GDPD4: variants seen among roughly 807,000 people sequenced by gnomAD.
The protein encoded by GDPD4 is glycerophosphodiester phosphodiesterase 6.
GDPD4 carries 60 observed loss-of-function variants against 67.8 expected under a neutral mutation model. That is an observed-to-expected ratio of 0.88 (90% CI 0.72 to 1.10). GDPD4 has a LOEUF of 1.10. Ranked by LOEUF, GDPD4 falls within the 50% of genes least tolerant of loss-of-function variation. GDPD4 has a pLI of 0.00. For synonymous variants in GDPD4, 212 were observed against 210.9 expected (o/e 1.00, Z -0.04); for missense variants, 623 against 613.9 (o/e 1.01, Z -0.16).
Position 77,287,923 on chromosome 11 carries a change from A to G in GDPD4, c.-253-503T>C, listed in dbSNP as rs141901433. On this transcript the variant is annotated intron_variant, in intron 1 of 16. Coordinates refer to ENST00000315938, the MANE Select transcript of GDPD4 (RefSeq NM_182833.3). ...CAATTATGAATGATGGAATCTTCAAAACAACAATGGCTGAAATGTGACAAG... is the reference window on the plus strand; with the variant it reads ...CAATTATGAATGATGGAATCTTCAAGACAACAATGGCTGAAATGTGACAAG... 6.0e-3 allele frequency among the ~76,000 whole-genome samples: 920 copies of G among 152,350 alleles called. 8 individuals carry two copies. The highest frequency in any genetic ancestry group is 0.021 in the African/African-American group (889 of 41,582).
intron 10 of GDPD4, among the ~76,000 whole-genome samples, chr11:77,267,650 T>C (rs1959184487): frequency 6.6e-6 from 1 of 152,200 alleles, no homozygotes; most frequent in South Asian, 2.1e-4. Context: ...GATTGTTTGG[T>C]TTGTATTTGT....
intron 1 of GDPD4, among the ~76,000 whole-genome samples, chr11:77,300,326 T>C (rs2135902822): frequency 6.6e-6 from 1 of 152,184 alleles, no homozygotes; most frequent in East Asian, 1.9e-4. Flanking sequence ...TCCCCTCCCT[T>C]GTCCAAGTGT....
At chr11:77,220,689 G>C (rs1053717073) in intron 16 of GDPD4, among the ~76,000 whole-genome samples, 3 of 152,148 alleles carry the variant, frequency 2.0e-5, no homozygotes, top group Non-Finnish European at 2.9e-5. Flanking sequence ...GTCTCTGCCA[G>C]GCTTTGGTAT....
chr11:77,243,619 A>T, intron 13 of GDPD4, 75 bp downstream of exon 13: 1 of 1,251,768 alleles, frequency 8.0e-7, no homozygotes, highest in Non-Finnish European at 1.2e-6. Context: ...AGGGGAAGTT[A>T]AGAAGTTTAA....
chr11:77,258,425 T>A lies in GDPD4; in HGVS notation c.825A>T (p.Leu275=). The A allele has an allele frequency of 6.2e-7, 1 of 1,614,108 alleles. No homozygotes were observed. Among genetic ancestry groups the A allele is most frequent in the South Asian group, 1.1e-5 (1 of 91,082 alleles). ...ACCATTTGCCTGCATTCAGAGTCGA[T>A]AGGAAATCCCAGTTGAAGAAGGCAG... is the stretch of plus-strand genomic sequence containing the variant. ...ENPAFFNWDF[L]STLNAGKWFV... The change falls in exon 11 of 17, where the codon CTA becomes CTT. Residue 275 remains leucine, a synonymous_variant. Coordinates refer to ENST00000315938, the MANE Select transcript of GDPD4 (RefSeq NM_182833.3).
In GDPD4 at chr11:77,233,177, A is replaced by T; in HGVS notation, c.1242-5T>A. 1 of 1,612,448 alleles carries T rather than the reference A, an allele frequency of 6.2e-7. No homozygotes were observed. Among genetic ancestry groups the T allele is most frequent in the Middle Eastern group, 1.7e-4 (1 of 6,056 alleles). ...ATGTTAGCTGCTTTATAATCTCTGG[A>T]ACAAAAACAGAACCCACAGGGGATT... On this transcript the variant is annotated splice_polypyrimidine_tract_variant and splice_region_variant and intron_variant, in intron 13 of 16. Coordinates refer to ENST00000315938, the MANE Select transcript of GDPD4 (RefSeq NM_182833.3).
At chr11:77,269,697 C>T (rs1217086594) in intron 8 of GDPD4, among the ~76,000 whole-genome samples, 186 bp downstream of exon 8, 1 of 152,048 alleles carries the variant, frequency 6.6e-6, no homozygotes, top group Non-Finnish European at 1.5e-5. Flanking sequence ...CCCCTCTTTC[C>T]TTCCCTCCCT....
intron 4 of GDPD4, among the ~76,000 whole-genome samples, chr11:77,278,732 C>T (rs1959609974): frequency 6.6e-6 from 1 of 152,162 alleles, no homozygotes; most frequent in African/African-American, 2.4e-5. Context: ...AGTTATCCTC[C>T]CATTTCCAGA....
chr11:77,275,549 G>A (rs543291423), intron 5 of GDPD4, among the ~76,000 whole-genome samples: 2 of 152,186 alleles, frequency 1.3e-5, no homozygotes, highest in South Asian at 2.1e-4. Flanking sequence ...AAACGTCCAC[G>A]GGAAAACAAG....
intron 16 of GDPD4, among the ~76,000 whole-genome samples, chr11:77,220,341 T>C (rs1201221587): frequency 1.3e-5 from 2 of 152,132 alleles, no homozygotes; most frequent in South Asian, 4.1e-4. Context: ...GGCTGTTGGT[T>C]TGTCATAAAT....
At chr11:77,260,049 G>A (rs946491975) in intron 10 of GDPD4, among the ~76,000 whole-genome samples, 3 of 152,064 alleles carry the variant, frequency 2.0e-5, no homozygotes, top group African/African-American at 4.8e-5. Context: ...GGCCAGGCGC[G>A]GTGGCTCACG....
Position 77,295,054 on chromosome 11 carries a change from T to C in GDPD4, c.-254+6551A>G, listed in dbSNP as rs143260556. On this transcript the variant is annotated intron_variant, in intron 1 of 16. Coordinates refer to ENST00000315938, the MANE Select transcript of GDPD4 (RefSeq NM_182833.3). The stretch of plus-strand genomic sequence containing the variant: ...GGCGATCTCAGCTCACTACAACCTC[T>C]GCCTCCCAGGAGCAATTATCTTGCC... Among the ~76,000 whole-genome samples the C allele has an allele frequency of 3.5e-3, 517 of 147,622 alleles. 3 individuals are homozygous for C. Among genetic ancestry groups the C allele is most frequent in the Non-Finnish European group, 5.0e-3 (339 of 67,206 alleles).
At chr11:77,231,715 G>T (rs866599744) in intron 14 of GDPD4, among the ~76,000 whole-genome samples, 1 of 152,202 alleles carries the variant, frequency 6.6e-6, no homozygotes, top group Non-Finnish European at 1.5e-5. Context: ...TGATTCAGGG[G>T]ATAGGATTAT....
chr11:77,235,018 T>TTTTTTTTTTG (rs1565512489), intron 13 of GDPD4, among the ~76,000 whole-genome samples: 17 of 129,150 alleles, frequency 1.3e-4, no homozygotes, highest in Non-Finnish European at 1.6e-4. Context: ...TGTTTTTTTT[T>TTTTTTTTTTG]TTTTTTTTTT....
chr11:77,273,492 G>C (rs1277080325), intron 5 of GDPD4, among the ~76,000 whole-genome samples: 1 of 152,150 alleles, frequency 6.6e-6, no homozygotes, highest in Non-Finnish European at 1.5e-5. Flanking sequence ...TGAAGGCTTA[G>C]AAAACAAGAT....
chr11:77,232,034 T>C (rs1051917408), intron 14 of GDPD4, among the ~76,000 whole-genome samples: 1 of 152,148 alleles, frequency 6.6e-6, no homozygotes, highest in Non-Finnish European at 1.5e-5. Context: ...CCTGAACAGG[T>C]CAGAAGCTCA....
intron 16 of GDPD4, among the ~76,000 whole-genome samples, chr11:77,225,054 T>C (rs1958301354): frequency 6.6e-6 from 1 of 151,812 alleles, no homozygotes; most frequent in Non-Finnish European, 1.5e-5. Flanking sequence ...CAGTGAACCA[T>C]GATCATGCCA....
chr11:77,298,027 TTGGAAGTTCAGGAG>T (rs1366780693), intron 1 of GDPD4, among the ~76,000 whole-genome samples: 2 of 152,150 alleles, frequency 1.3e-5, no homozygotes, highest in East Asian at 3.9e-4. Flanking sequence ...TGAAGACATT[TTGGAAGTTCAGGAG>T]GGAGCTGAAA....
intron 5 of GDPD4, among the ~76,000 whole-genome samples, chr11:77,271,877 T>C (rs1195722056): frequency 6.6e-6 from 1 of 152,200 alleles, no homozygotes; most frequent in Non-Finnish European, 1.5e-5. Flanking sequence ...TTTTTATGAT[T>C]ACATCCTCAG....
Sources: gnomAD v4.1 joint callset for allele counts (sites outside exome capture counted in the v4.1 genomes callset) on GRCh38, gnomAD v4.1.1 for gene constraint, MANE v1.5 for transcripts, NCBI Gene and HGNC (gene_info 2026-07-23, HGNC 2026-07-21) for gene names.